The following CNTN6 variants were observed in gnomAD, a reference collection of about 807,000 sequenced individuals.
CNTN6 encodes the protein contactin-6.
Under a neutral mutation model 122.8 loss-of-function variants are expected in CNTN6, and 137 were observed. That is an observed-to-expected ratio of 1.12 (90% CI 0.97 to 1.29). The LOEUF is 1.29. Ranked by LOEUF, CNTN6 falls within the 50% of genes most tolerant of loss-of-function variation. CNTN6 has a pLI of 0.00. For missense variants in CNTN6, 1,634 were observed against 1,223.4 expected (o/e 1.34, Z -5.01); for synonymous variants, 570 against 426.0 (o/e 1.34, Z -4.16).
intron 11 of CNTN6, among the ~76,000 whole-genome samples, chr3:1,350,371 G>GA (rs1705438952): frequency 6.6e-6 from 1 of 151,760 alleles, no homozygotes; most frequent in African/African-American, 2.4e-5. Flanking sequence ...AATGGTTCTG[G>GA]AAAAAGCCTG....
rs1559756044 is a variant in CNTN6 at position 1,300,585 on chromosome 3, GAAAGAAAGAAAGAAAGAAAGAGAGAA to G, written c.761+2596_761+2621del. 2.5e-4 allele frequency among the ~76,000 whole-genome samples: 30 copies of G among 121,026 alleles called. 1 individual carries two copies. The highest frequency in any genetic ancestry group is 1.4e-3 in the African/African-American group (30 of 22,054). 79.4% of individuals were successfully genotyped at this position (121,026 alleles called of 152,430 possible). A position where few individuals can be genotyped will look rare whatever the true frequency, so the allele number is the denominator to read the frequency against. ...AGAAAGAAAGAAAGAAAGAAAGAAAGAAAGAAAGAAAGAAAGAAAGAGAGAAAGAAAGGAAGAAAAGGAGAGATAAC... is the reference window on the plus strand; with the variant it reads ...AGAAAGAAAGAAAGAAAGAAAGAAAGAGAAAGGAAGAAAAGGAGAGATAAC... On this transcript the variant is annotated intron_variant, in intron 7 of 22. Coordinates refer to ENST00000446702, the MANE Select transcript of CNTN6 (RefSeq NM_001289080.2).
chr3:1,154,614 T>C (rs945838640), intron 2 of CNTN6, among the ~76,000 whole-genome samples: 1 of 152,000 alleles, frequency 6.6e-6, no homozygotes, highest in Admixed American at 6.6e-5. Context: ...TGGCTAACTT[T>C]GTATTTTTAG....
At position 1,300,497 on chromosome 3, in the gene CNTN6, A is replaced by G. The variant is rs78223700; in HGVS notation, c.761+2506A>G. On this transcript the variant is annotated intron_variant, in intron 7 of 22. Coordinates refer to ENST00000446702, the MANE Select transcript of CNTN6 (RefSeq NM_001289080.2). ...GAAGGAAGGAAGGAAGGAAGGAAAA[A>G]GAAAAGAAAGAGAAAGAAAGAAAGA... Among the ~76,000 whole-genome samples the G allele has an allele frequency of 1.0e-3, 146 of 145,436 alleles. 2 individuals are homozygous for G. The highest frequency in any genetic ancestry group is 3.6e-3 in the African/African-American group (129 of 36,302).
At chr3:1,305,039 C>CAAAT (rs1559769298) in intron 7 of CNTN6, among the ~76,000 whole-genome samples, 3 of 147,878 alleles carry the variant, frequency 2.0e-5, no homozygotes, top group Non-Finnish European at 4.5e-5. Flanking sequence ...AAAATTCAAG[C>CAAAT]TGTGTTTTAA....
chr3:1,258,003 T>G (rs1037124984), intron 4 of CNTN6, among the ~76,000 whole-genome samples: 3 of 152,178 alleles, frequency 2.0e-5, no homozygotes, highest in African/African-American at 4.8e-5. Context: ...CATTTTAACC[T>G]GATTTATTTG....
intron 2 of CNTN6, among the ~76,000 whole-genome samples, chr3:1,183,260 C>T (rs1482530963): frequency 3.9e-5 from 6 of 152,000 alleles, no homozygotes; most frequent in Admixed American, 2.0e-4. Flanking sequence ...CCTGTGAATC[C>T]GAAGCTATCA....
At chr3:1,251,620 C>T (rs1335950939) in intron 4 of CNTN6, among the ~76,000 whole-genome samples, 2 of 151,818 alleles carry the variant, frequency 1.3e-5, no homozygotes, top group African/African-American at 4.8e-5. Flanking sequence ...TTTCACTTTC[C>T]AATTAATGAC....
chr3:1,277,826 C>G (rs749499128), intron 4 of CNTN6, among the ~76,000 whole-genome samples: 1 of 152,182 alleles, frequency 6.6e-6, no homozygotes, highest in Non-Finnish European at 1.5e-5. Flanking sequence ...CTAGTAAGCA[C>G]TCTTTCAACT....
intron 7 of CNTN6, chr3:1,298,204 T>C: frequency 4.1e-6 from 2 of 490,176 alleles, no homozygotes; most frequent in Non-Finnish European, 7.3e-6. Context: ...GGGCTGCAAT[T>C]CTTCCCTACA....
chr3:1,260,690 G>A lies in CNTN6; in HGVS notation c.359-17723G>A, dbSNP rs9857364. Among the ~76,000 whole-genome samples, 667 of 151,914 alleles carry A rather than the reference G, an allele frequency of 4.4e-3. 3 individuals carry two copies. Among genetic ancestry groups the A allele is most frequent in the African/African-American group, 0.015 (630 of 41,354 alleles). The stretch of plus-strand genomic sequence containing the variant: ...ATCCTGTGGGAGGTAATTGAATCAT[G>A]GGGGCGGTTACCCTCATGCTGTTCT... On this transcript the variant is annotated intron_variant, in intron 4 of 22. Transcript: ENST00000446702.
chr3:1,121,952 C>T (rs9878759), intron 1 of CNTN6, among the ~76,000 whole-genome samples: 142,776 of 151,976 alleles, frequency 0.94, 67,152 homozygotes, highest in East Asian at 1. Flanking sequence ...GAAATCCCAC[C>T]TTTGCCATTT....
At chr3:1,373,866 C>T (rs1344031059) in intron 15 of CNTN6, 58 bp from the exon 16 acceptor site, 1 of 1,489,012 alleles carries the variant, frequency 6.7e-7, no homozygotes, top group Non-Finnish European at 9.0e-7. Context: ...TAATTTTGTA[C>T]AATTATTTGT....
intron 2 of CNTN6, among the ~76,000 whole-genome samples, chr3:1,209,886 G>T (rs1013938167): frequency 1.3e-5 from 2 of 152,094 alleles, no homozygotes; most frequent in Middle Eastern, 3.4e-3. Flanking sequence ...CTTTAATCAT[G>T]CTCCCACATT....
Position 1,383,166 on chromosome 3 carries a change from T to C in CNTN6, c.2391T>C (p.Ser797=). ...GSLSTVTIVY[S]GEDEPQLAPR... The stretch of plus-strand genomic sequence containing the variant: ...TGAGTACTGTGACCATTGTCTACTC[T>C]GGGGAAGATGGTAAGTTGTCCTCAA... Residue 797 remains serine, a synonymous_variant, in exon 18 of 23, where the codon TCT becomes TCC. Coordinates refer to ENST00000446702, the MANE Select transcript of CNTN6 (RefSeq NM_001289080.2). The C allele has an allele frequency of 6.2e-7, 1 of 1,612,518 alleles. No homozygotes were observed. Among genetic ancestry groups the C allele is most frequent in the Non-Finnish European group, 8.5e-7 (1 of 1,178,732 alleles).
chr3:1,317,565 C>T (rs7649380), intron 7 of CNTN6, among the ~76,000 whole-genome samples: 14,158 of 151,756 alleles, frequency 0.093, 738 homozygotes, highest in Middle Eastern at 0.12. Context: ...GTGTTAGTTT[C>T]GGATTTCAGA....
Position 1,352,383 on chromosome 3 carries a change from G to C in CNTN6, c.1424G>C (p.Gly475Ala), listed in dbSNP as rs778443034. 2.5e-5 allele frequency: 40 copies of C among 1,600,762 alleles called. No individual in the cohort carries two copies. The highest frequency in any genetic ancestry group is 3.2e-5 in the Non-Finnish European group (38 of 1,171,618). Reference sequence around the variant, plus strand: ...TATAATATTACCAGGTCAGATGCTGGATCATATACATGCATAGCCACAAAT... The same window carrying C: ...TATAATATTACCAGGTCAGATGCTGCATCATATACATGCATAGCCACAAAT... ...KIYNITRSDA[G>A]SYTCIATNQF... The change falls in exon 12 of 23, where the codon GGA becomes GCA. Residue 475 changes from glycine (G) to alanine (A), a missense_variant. Transcript: ENST00000446702.
At chr3:1,199,320 C>A (rs2093826267) in intron 2 of CNTN6, among the ~76,000 whole-genome samples, 1 of 151,860 alleles carries the variant, frequency 6.6e-6, no homozygotes, top group Admixed American at 6.6e-5. Context: ...GCTGGGACTA[C>A]AGGTGTATGC....
rs2093038773 is a variant in CNTN6 at position 1,158,801 on chromosome 3, TACACACATATATATACACACAC to T, written c.55+10740_55+10761del. On this transcript the variant is annotated intron_variant, in intron 2 of 22. Coordinates refer to ENST00000446702, the MANE Select transcript of CNTN6 (RefSeq NM_001289080.2). ...ATGTGTGTATATATGTGTATATATA[TACACACATATATATACACACAC>T]ATATATATACACACACATATATATA... 1.5e-5 allele frequency among the ~76,000 whole-genome samples: 2 copies of T among 132,990 alleles called. 1 individual carries two copies. The highest frequency in any genetic ancestry group is 3.1e-5 in the Non-Finnish European group (2 of 63,972). The allele number at this position is 132,990 out of a possible 152,430, so 87.2% of individuals were successfully genotyped here. A position where few individuals can be genotyped will look rare whatever the true frequency, so the allele number is the denominator to read the frequency against.
At position 1,212,111 on chromosome 3, in the gene CNTN6, A is replaced by G. The variant is rs116232408; in HGVS notation, c.56-8576A>G. The stretch of plus-strand genomic sequence containing the variant: ...TTAACTTTTTAATTCCATAGAAGAT[A>G]ATGGAGGAAGAAAGGTAGGGCAGAA... On this transcript the variant is annotated intron_variant, in intron 2 of 22. Coordinates refer to ENST00000446702, the MANE Select transcript of CNTN6 (RefSeq NM_001289080.2). 8.2e-3 allele frequency among the ~76,000 whole-genome samples: 1,249 copies of G among 152,262 alleles called. 27 individuals carry two copies. The highest frequency in any genetic ancestry group is 0.029 in the African/African-American group (1,200 of 41,554).
Sources: allele counts gnomAD v4.1 joint callset (sites outside exome capture counted in the v4.1 genomes callset), GRCh38; gene constraint gnomAD v4.1.1; transcripts MANE v1.5; gene names NCBI Gene and HGNC (gene_info 2026-07-23, HGNC 2026-07-21).